PKHD1: variants seen among roughly 807,000 people sequenced by gnomAD.
PKHD1 encodes the protein PKHD1 ciliary IPT domain containing fibrocystin/polyductin.
Under a neutral mutation model 412.0 loss-of-function variants are expected in PKHD1, and 291 were observed. The observed-to-expected ratio is 0.71, with a 90% confidence interval of 0.64 to 0.78. PKHD1 has a LOEUF of 0.78. Among genes scored for constraint, PKHD1 ranks in the 30% least tolerant of loss-of-function variants. The pLI is 0.00. For synonymous variants in PKHD1, 1,777 were observed against 1,821.5 expected (o/e 0.98, Z 0.62); for missense variants, 4,825 against 4,950.7 (o/e 0.97, Z 0.76).
Position 52,082,395 on chromosome 6 carries a change from G to A in PKHD1, c.278C>T (p.Thr93Ile). ...FLDLPVVTCR[T>I]RSVLSEAHEG... is the part of the protein sequence containing the mutation. ...TCCTATTCCCAGACAGGTATACCTG[G>A]TCCGGCATGTCACCACAGGCAAATC... The change falls in exon 4 of 67, where the codon ACC (threonine) becomes ATC (isoleucine). Residue 93 changes from threonine to isoleucine, a missense_variant. Physicochemically the swap from Thr to Ile is moderately conservative, Grantham distance 89. Transcript: ENST00000371117. 2 of 1,613,994 alleles carry A rather than the reference G, an allele frequency of 1.2e-6. No individual in the cohort carries two copies. The highest frequency in any genetic ancestry group is 1.7e-6 in the Non-Finnish European group (2 of 1,179,928).
At chr6:52,018,016 T>C (rs1800812767) in intron 33 of PKHD1, among the ~76,000 whole-genome samples, 1 of 152,250 alleles carries the variant, frequency 6.6e-6, no homozygotes, top group South Asian at 2.1e-4. Flanking sequence ...TGAGTTTTCC[T>C]TGTTTTTGAA....
intron 66 of PKHD1, among the ~76,000 whole-genome samples, chr6:51,621,546 T>A (rs1473548989): frequency 6.6e-6 from 1 of 152,216 alleles, no homozygotes; most frequent in Non-Finnish European, 1.5e-5. Context: ...CCCCTTGTTC[T>A]TTAAGTCCGC....
At chr6:51,985,370 G>A (rs896360943) in intron 35 of PKHD1, among the ~76,000 whole-genome samples, 1 of 152,252 alleles carries the variant, frequency 6.6e-6, no homozygotes, top group South Asian at 2.1e-4. Flanking sequence ...AATAGTTTCT[G>A]GGTTTATGGA....
At chr6:52,057,238 T>C (rs1046430213) in intron 16 of PKHD1, among the ~76,000 whole-genome samples, 2 of 152,190 alleles carry the variant, frequency 1.3e-5, no homozygotes, top group South Asian at 2.1e-4. Flanking sequence ...ACAGTTGCCA[T>C]TGAATGCTGC....
At position 51,934,242 on chromosome 6, in the gene PKHD1, G is replaced by T. The variant is rs369801937; in HGVS notation, c.5989C>A (p.Arg1997=). The T allele has an allele frequency of 8.1e-6, 13 of 1,613,708 alleles. No homozygotes were observed. In the African/African-American group the frequency reaches 1.6e-4, roughly 20 times the overall value. ...AAGGGCTTGTCTTCGGATCCAATCC[G>T]GAGCTCTCCACCATCAGAAACAAGG... ...AILVSDGGEL[R]IGSEDKPFQG... is the part of the protein sequence containing the mutation. The change falls in exon 37 of 67, where the codon CGG becomes AGG. Residue 1997 remains arginine (R), a synonymous_variant. Coordinates refer to ENST00000371117, the MANE Select transcript of PKHD1 (RefSeq NM_138694.4).
At chr6:51,754,335 T>C (rs1395326696) in intron 56 of PKHD1, among the ~76,000 whole-genome samples, 1 of 152,190 alleles carries the variant, frequency 6.6e-6, no homozygotes, top group Non-Finnish European at 1.5e-5. Context: ...ATGTACTTCA[T>C]GTCAGGAAGG....
chr6:51,863,705 C>G (rs923151702), intron 48 of PKHD1, among the ~76,000 whole-genome samples: 2 of 152,070 alleles, frequency 1.3e-5, no homozygotes, highest in Non-Finnish European at 2.9e-5. Context: ...ACTAGATATT[C>G]CTAGGAATTT....
Position 51,847,974 on chromosome 6 carries a change from G to C in PKHD1, c.7912-4C>G, listed in dbSNP as rs199904719. 25 of 1,606,432 alleles carry C rather than the reference G, an allele frequency of 1.6e-5. No individual in the cohort carries two copies. The highest frequency in any genetic ancestry group is 2.0e-5 in the Non-Finnish European group (23 of 1,173,300). The stretch of plus-strand genomic sequence containing the variant: ...AGTTGTCAAAGGTTGCTGAGTACTT[G>C]AAGTGAAAGAAAAACACAATAGTGC... On this transcript the variant is annotated splice_region_variant and splice_polypyrimidine_tract_variant and intron_variant, in intron 49 of 66. Coordinates refer to ENST00000371117, the MANE Select transcript of PKHD1 (RefSeq NM_138694.4).
At chr6:51,654,975 T>C (rs1260765150) in intron 61 of PKHD1, among the ~76,000 whole-genome samples, 2 of 152,146 alleles carry the variant, frequency 1.3e-5, no homozygotes, top group Non-Finnish European at 2.9e-5. Context: ...TTTAATTGTA[T>C]GGAAAGCTTG....
At chr6:52,058,626 A>G in intron 15 of PKHD1, 25 bp from the exon 16 acceptor site, 2 of 1,609,394 alleles carry the variant, frequency 1.2e-6, no homozygotes, top group Non-Finnish European at 8.5e-7. Flanking sequence ...GCATATCATG[A>G]TCAATACTAT....
At position 51,748,056 on chromosome 6, in the gene PKHD1, G is replaced by C; in HGVS notation, c.9560C>G (p.Ser3187Cys). ...TTTTTTGACGGAATTTTGTGGAGCA[G>C]AAAATACATACACTACTGCCAAAAG... ...IGLLAVVYVF[S>C]APQNSVKKVQ... The change falls in exon 58 of 67, where the codon TCT becomes TGT. Residue 3187 changes from serine (S) to cysteine (C), a missense_variant. By Grantham distance (112) the Ser-to-Cys change is moderately radical. Transcript: ENST00000371117. The C allele has an allele frequency of 1.2e-6, 2 of 1,614,068 alleles. No individual in the cohort carries two copies. Among genetic ancestry groups the C allele is most frequent in the South Asian group, 2.2e-5 (2 of 91,080 alleles).
At chr6:52,058,830 C>T (rs1808223286) in intron 15 of PKHD1, among the ~76,000 whole-genome samples, 1 of 151,658 alleles carries the variant, frequency 6.6e-6, no homozygotes, top group Non-Finnish European at 1.5e-5. Context: ...GAGTAGTACT[C>T]AAATGAGAAT....
chr6:51,823,061 G>A (rs759133344), intron 52 of PKHD1, among the ~76,000 whole-genome samples: 1 of 151,066 alleles, frequency 6.6e-6, no homozygotes, highest in African/African-American at 2.4e-5. Flanking sequence ...AGTTTGTACA[G>A]GTTAAGTAAG....
chr6:51,758,980 C>G (rs767920835), intron 55 of PKHD1, among the ~76,000 whole-genome samples: 1 of 152,170 alleles, frequency 6.6e-6, no homozygotes, highest in Non-Finnish European at 1.5e-5. Context: ...TGACCACAGG[C>G]TCAGAGTGTA....
intron 34 of PKHD1, among the ~76,000 whole-genome samples, chr6:52,014,034 G>T (rs1389807762): frequency 1.3e-5 from 2 of 152,194 alleles, no homozygotes; most frequent in Non-Finnish European, 2.9e-5. Context: ...GCTTGACTGT[G>T]TGACTTTGGG....
chr6:52,051,796 T>A (rs1806880613), intron 21 of PKHD1, among the ~76,000 whole-genome samples: 1 of 126,040 alleles, frequency 7.9e-6, no homozygotes, highest in African/African-American at 2.6e-5. Flanking sequence ...TTCTGGAAAT[T>A]GAGGCAGCAC....
At position 51,643,443 on chromosome 6, in the gene PKHD1, T is replaced by C. The variant is rs141480112; in HGVS notation, c.11399-4487A>G. ...ACAATATGAGTTACCCACACAGGTG[T>C]TACTTTCAACAAATTGAACAAAAGA... On this transcript the variant is annotated intron_variant, in intron 63 of 66. Coordinates refer to ENST00000371117, the MANE Select transcript of PKHD1 (RefSeq NM_138694.4). Among the ~76,000 whole-genome samples the C allele has an allele frequency of 3.7e-3, 562 of 152,142 alleles. 2 individuals are homozygous for C. The highest frequency in any genetic ancestry group is 0.013 in the African/African-American group (543 of 41,500).
Position 51,747,476 on chromosome 6 carries a change from G to A in PKHD1, c.9829+311C>T, listed in dbSNP as rs564731679. On this transcript the variant is annotated intron_variant, in intron 58 of 66. Coordinates refer to ENST00000371117, the MANE Select transcript of PKHD1 (RefSeq NM_138694.4). ...TCCCAACACTTTGGGAGGCTGAGAT[G>A]GGAGGACTGCTTGAGGCCAGGAGTT... 2.6e-5 allele frequency among the ~76,000 whole-genome samples: 4 copies of A among 152,290 alleles called. No individual in the cohort carries two copies. The South Asian group carries it at 6.2e-4, about 24-fold the overall frequency.
In PKHD1 at chr6:51,671,881, C is replaced by G. The variant is rs375263013; in HGVS notation, c.10157-11912G>C. ...GCTCGGGGGTCAGGGGTCAGGGACC[C>G]ACTTGAGGAGGTAGTCTGCCCGTTC... is the stretch of plus-strand genomic sequence containing the variant. On this transcript the variant is annotated intron_variant, in intron 60 of 66. Coordinates refer to ENST00000371117, the MANE Select transcript of PKHD1 (RefSeq NM_138694.4). 1.3e-5 allele frequency among the ~76,000 whole-genome samples: 2 copies of G among 152,090 alleles called. 1 individual carries two copies. The highest frequency in any genetic ancestry group is 4.2e-4 in the South Asian group (2 of 4,816).
Sources: gnomAD v4.1 joint callset for allele counts (sites outside exome capture counted in the v4.1 genomes callset) on GRCh38, gnomAD v4.1.1 for gene constraint, MANE v1.5 for transcripts, NCBI Gene and HGNC (gene_info 2026-07-23, HGNC 2026-07-21) for gene names.